The following FSTL4 variants were observed in gnomAD, a reference collection of about 807,000 sequenced individuals.
FSTL4 encodes follistatin-related protein 4.
In FSTL4, 28 loss-of-function variants were observed where a neutral mutation model predicts 78.2. That is an observed-to-expected ratio of 0.36 (90% CI 0.27 to 0.49). The LOEUF (loss-of-function observed/expected upper bound fraction) is 0.49. FSTL4 is among the 20% of genes least tolerant of loss of function. The probability of loss-of-function intolerance (pLI) is 0.98; values close to 1 mark genes in which losing one functional copy is unlikely to be tolerated. For missense variants in FSTL4, 922 were observed against 1,084.9 expected, an observed-to-expected ratio of 0.85 and a Z score of 2.11; for synonymous variants, 422 against 440.5, an observed-to-expected ratio of 0.96 and a Z score of 0.53.
the FSTL4 span, among the ~76,000 whole-genome samples, chr5:133,730,072 C>G: frequency 6.6e-6 from 1 of 152,186 alleles, no homozygotes; most frequent in African/African-American, 2.4e-5. Context: ...AGTAAATTGA[C>G]TTTGATTGTG....
chr5:133,787,969 G>A, the FSTL4 span, among the ~76,000 whole-genome samples: 1 of 152,324 alleles, frequency 6.6e-6, no homozygotes, highest in Admixed American at 6.5e-5. Context: ...GTTGGTGCTC[G>A]GTAAGTGGTC....
chr5:133,221,903 T>TTGTTTTTTG (rs1328988904), intron 11 of FSTL4, among the ~76,000 whole-genome samples: 2 of 106,420 alleles, frequency 1.9e-5, no homozygotes, highest in African/African-American at 1.1e-4. Flanking sequence ...TTTTTTTTTT[T>TTGTTTTTTG]TTTTTTTTTT....
At chr5:133,518,114 C>T (rs144185022) in intron 3 of FSTL4, among the ~76,000 whole-genome samples, 84 of 152,154 alleles carry the variant, frequency 5.5e-4, no homozygotes, top group African/African-American at 1.5e-3. Flanking sequence ...TGCATATAAA[C>T]GAATGCTGAT....
At chr5:133,665,486 G>A in the FSTL4 span, among the ~76,000 whole-genome samples, 1 of 152,206 alleles carries the variant, frequency 6.6e-6, no homozygotes, top group Non-Finnish European at 1.5e-5. Flanking sequence ...AAGTAAGGGA[G>A]CACCCAGATA....
chr5:133,206,097 A>G (rs1750492734), intron 14 of FSTL4, among the ~76,000 whole-genome samples: 1 of 152,186 alleles, frequency 6.6e-6, no homozygotes, highest in Admixed American at 6.5e-5. Flanking sequence ...TCACAATAAC[A>G]CTGGCTATTT....
At chr5:133,470,471 G>A (rs189953641) in intron 3 of FSTL4, among the ~76,000 whole-genome samples, 276 of 152,294 alleles carry the variant, frequency 1.8e-3, no homozygotes, top group African/African-American at 6.4e-3. Context: ...TAGGCTGGGC[G>A]CAGTGGCTCA....
At chr5:133,657,528 G>A in the FSTL4 span, among the ~76,000 whole-genome samples, 2 of 152,006 alleles carry the variant, frequency 1.3e-5, no homozygotes, top group African/African-American at 4.8e-5. Flanking sequence ...CTCTAGTTTT[G>A]TTATTTTATT....
At chr5:133,259,113 C>T (rs961757048) in intron 6 of FSTL4, among the ~76,000 whole-genome samples, 5 of 142,518 alleles carry the variant, frequency 3.5e-5, no homozygotes, top group African/African-American at 1.1e-4. Context: ...ATAAGCATTA[C>T]GGATAGAAAG....
intron 3 of FSTL4, among the ~76,000 whole-genome samples, chr5:133,511,843 T>G (rs1043176839): frequency 6.6e-6 from 1 of 151,762 alleles, no homozygotes; most frequent in Non-Finnish European, 1.5e-5. Flanking sequence ...ATGGCCATGG[T>G]GGGTGGAGCA....
At chr5:133,780,974 G>A in the FSTL4 span, among the ~76,000 whole-genome samples, 3 of 152,202 alleles carry the variant, frequency 2.0e-5, no homozygotes, top group Non-Finnish European at 4.4e-5. Context: ...CAGAACTCAC[G>A]GCAAGTGGAG....
the FSTL4 span, among the ~76,000 whole-genome samples, chr5:133,641,205 A>G: frequency 2.0e-5 from 3 of 152,248 alleles, no homozygotes; most frequent in East Asian, 3.9e-4. Context: ...AGACCCAACC[A>G]TATAGTGCCC....
intron 2 of FSTL4, among the ~76,000 whole-genome samples, chr5:133,567,532 G>T (rs1384675387): frequency 1.3e-5 from 2 of 152,212 alleles, no homozygotes; most frequent in Non-Finnish European, 1.5e-5. Flanking sequence ...CCCTCTTCCA[G>T]GTTGATGACC....
chr5:133,565,422 C>T (rs1053687835), intron 3 of FSTL4, among the ~76,000 whole-genome samples: 24 of 152,168 alleles, frequency 1.6e-4, no homozygotes, highest in Non-Finnish European at 3.2e-4. Context: ...TAAGCATTGA[C>T]GTTACAGCAC....
intron 3 of FSTL4, among the ~76,000 whole-genome samples, chr5:133,468,073 A>C (rs1000006902): frequency 6.6e-6 from 1 of 152,176 alleles, no homozygotes; most frequent in East Asian, 1.9e-4. Context: ...AGCAAGGGGA[A>C]GGTGTACCAG....
chr5:133,675,543 A>G, the FSTL4 span, among the ~76,000 whole-genome samples: 1 of 152,276 alleles, frequency 6.6e-6, no homozygotes, highest in Admixed American at 6.5e-5. Context: ...GGATCCAATG[A>G]GAGAATCCGC....
intron 3 of FSTL4, among the ~76,000 whole-genome samples, chr5:133,558,631 G>T (rs915602139): frequency 2.0e-5 from 3 of 146,956 alleles, no homozygotes; most frequent in Non-Finnish European, 3.0e-5. Context: ...AAAGGTTTTT[G>T]TTTTTTTTTT....
the FSTL4 span, among the ~76,000 whole-genome samples, chr5:133,793,715 C>T: frequency 2.0e-5 from 3 of 152,158 alleles, no homozygotes; most frequent in African/African-American, 4.8e-5. Flanking sequence ...TCACATCTCG[C>T]GGCAACCCCT....
chr5:133,642,584 G>A, the FSTL4 span, among the ~76,000 whole-genome samples: 2 of 152,274 alleles, frequency 1.3e-5, no homozygotes, highest in Admixed American at 1.3e-4. Flanking sequence ...CCAACATTCA[G>A]ATGCCAGATT....
the FSTL4 span, among the ~76,000 whole-genome samples, chr5:133,795,381 G>A: frequency 6.6e-6 from 1 of 152,234 alleles, no homozygotes; most frequent in Non-Finnish European, 1.5e-5. Flanking sequence ...TGTGGAAGGA[G>A]ATTTCAAGCT....
Sources: gnomAD v4.1 joint callset for allele counts (sites outside exome capture counted in the v4.1 genomes callset) on GRCh38, gnomAD v4.1.1 for gene constraint, MANE v1.5 for transcripts, NCBI Gene and HGNC (gene_info 2026-07-23, HGNC 2026-07-21) for gene names.